Variants in PSD3 observed in about 807,000 individuals in gnomAD.
The protein encoded by PSD3 is pleckstrin and Sec7 domain containing 3.
A neutral mutation model predicts 105.5 loss-of-function variants in PSD3; 49 were observed. The observed-to-expected ratio is 0.46, with a 90% CI of 0.37 to 0.59. The LOEUF is 0.59. Ranked by LOEUF, PSD3 falls within the 20% of genes least tolerant of loss-of-function variation. The pLI is 0.00. For missense variants in PSD3, 1,561 were observed against 1,263.8 expected (o/e 1.24, Z -3.57); for synonymous variants, 557 against 457.8 (o/e 1.22, Z -2.77).
intron 4 of PSD3, among the ~76,000 whole-genome samples, chr8:18,815,927 A>G (rs576883383): frequency 7.2e-5 from 11 of 152,298 alleles, no homozygotes; most frequent in African/African-American, 2.6e-4. Flanking sequence ...GATTCACTTA[A>G]TTTTGTGTGC....
chr8:18,991,778 A>G (rs1376367983), intron 1 of PSD3, among the ~76,000 whole-genome samples: 1 of 152,234 alleles, frequency 6.6e-6, no homozygotes, highest in African/African-American at 2.4e-5. Flanking sequence ...CCCTCAATCT[A>G]GCTTCAAAAC....
chr8:18,568,455 A>T (rs1178301889), intron 14 of PSD3, among the ~76,000 whole-genome samples: 1 of 151,476 alleles, frequency 6.6e-6, no homozygotes, highest in Non-Finnish European at 1.5e-5. Context: ...CAAGGGGGGA[A>T]ATCAAGAGAC....
intron 11 of PSD3, among the ~76,000 whole-genome samples, chr8:18,626,384 TTG>T: frequency 6.6e-6 from 1 of 152,262 alleles, no homozygotes; most frequent in African/African-American, 2.4e-5. Context: ...TTTGTAATAT[TTG>T]TCATCAGAGC....
chr8:18,881,992 G>A (rs1050612276), intron 2 of PSD3, among the ~76,000 whole-genome samples: 1 of 152,132 alleles, frequency 6.6e-6, no homozygotes, highest in Non-Finnish European at 1.5e-5. Flanking sequence ...AGGTTCACTT[G>A]AGCTCAGGAG....
Position 18,651,879 on chromosome 8 carries a change from G to A in PSD3, c.2216+3763C>T, listed in dbSNP as rs866311258. Among the ~76,000 whole-genome samples the A allele has an allele frequency of 1.3e-4, 20 of 152,176 alleles. 1 individual carries two copies. In the South Asian group the frequency reaches 2.1e-3, roughly 16 times the overall value. The stretch of plus-strand genomic sequence containing the variant: ...ACAAAATCAATTATTGGCAGAACGT[G>A]AAGGGCCTAATTAAAGTTTTACAGC... On this transcript the variant is annotated intron_variant, in intron 10 of 15. Coordinates refer to ENST00000327040, the MANE Select transcript of PSD3 (RefSeq NM_015310.4).
intron 9 of PSD3, among the ~76,000 whole-genome samples, chr8:18,659,834 A>G (rs1809204181): frequency 6.6e-6 from 1 of 152,212 alleles, no homozygotes; most frequent in Non-Finnish European, 1.5e-5. Context: ...GGCATAGTCT[A>G]TGGCTCAGAA....
chr8:18,697,459 A>G (rs1160504875), intron 9 of PSD3, among the ~76,000 whole-genome samples: 1 of 152,240 alleles, frequency 6.6e-6, no homozygotes, highest in Admixed American at 6.5e-5. Flanking sequence ...TCTGCAGAAC[A>G]TTATAGAAAA....
At chr8:18,806,203 A>C (rs1422569012) in intron 4 of PSD3, among the ~76,000 whole-genome samples, 1 of 152,198 alleles carries the variant, frequency 6.6e-6, no homozygotes, top group East Asian at 1.9e-4. Flanking sequence ...GATGACTAGA[A>C]GAGTTTGGTG....
At chr8:18,939,221 G>T (rs1181528943) in intron 1 of PSD3, among the ~76,000 whole-genome samples, 1 of 152,190 alleles carries the variant, frequency 6.6e-6, no homozygotes, top group African/African-American at 2.4e-5. Context: ...CCGTGGGGAA[G>T]CAATTGCCAA....
intron 1 of PSD3, among the ~76,000 whole-genome samples, chr8:18,937,220 T>A (rs184196334): frequency 1.2e-3 from 176 of 152,274 alleles, no homozygotes; most frequent in African/African-American, 3.9e-3. Context: ...ACAAAGAAAT[T>A]TGACCTAGCA....
chr8:19,059,068 G>A (rs1828802322), intron 1 of PSD3, among the ~76,000 whole-genome samples: 1 of 152,194 alleles, frequency 6.6e-6, no homozygotes, highest in African/African-American at 2.4e-5. Context: ...GCTGTATTGA[G>A]GCTGAACGCT....
chr8:18,675,018 C>T (rs544964649), intron 9 of PSD3, among the ~76,000 whole-genome samples: 7 of 151,518 alleles, frequency 4.6e-5, no homozygotes, highest in East Asian at 3.9e-4. Flanking sequence ...AAAAAAAAAG[C>T]AACAATAAAG....
intron 1 of PSD3, among the ~76,000 whole-genome samples, chr8:19,060,762 T>C (rs927168155): frequency 2.6e-5 from 4 of 152,228 alleles, no homozygotes; most frequent in Non-Finnish European, 5.9e-5. Flanking sequence ...GGAATTCTTC[T>C]TTATGATTCC....
intron 9 of PSD3, among the ~76,000 whole-genome samples, chr8:18,745,351 C>G (rs1804921801): frequency 6.6e-6 from 1 of 152,204 alleles, no homozygotes; most frequent in Non-Finnish European, 1.5e-5. Context: ...AAAAACCTGT[C>G]CCTTCTCCAC....
intron 2 of PSD3, among the ~76,000 whole-genome samples, chr8:18,874,312 C>A (rs927415155): frequency 2.0e-5 from 3 of 151,816 alleles, no homozygotes; most frequent in African/African-American, 7.3e-5. Context: ...CAGGTGCGTG[C>A]CACCATGCCC....
At chr8:19,040,880 C>A (rs553788615) in intron 1 of PSD3, among the ~76,000 whole-genome samples, 1 of 152,128 alleles carries the variant, frequency 6.6e-6, no homozygotes, top group South Asian at 2.1e-4. Context: ...GAAGCTTGAT[C>A]CCATTTTATT....
chr8:18,610,529 T>C (rs1475082865), intron 11 of PSD3, among the ~76,000 whole-genome samples: 3 of 152,230 alleles, frequency 2.0e-5, no homozygotes, highest in African/African-American at 7.2e-5. Flanking sequence ...TCTGCTGTGA[T>C]TCTGGGGGCT....
At chr8:19,012,532 T>C (rs906653909) in intron 1 of PSD3, among the ~76,000 whole-genome samples, 1 of 152,134 alleles carries the variant, frequency 6.6e-6, no homozygotes, top group Non-Finnish European at 1.5e-5. Context: ...CCAGCATAAC[T>C]GCCAGCTCCT....
At chr8:18,874,057 G>A (rs1817566565) in intron 2 of PSD3, among the ~76,000 whole-genome samples, 1 of 152,040 alleles carries the variant, frequency 6.6e-6, no homozygotes, top group Non-Finnish European at 1.5e-5. Context: ...CTTAGTTTTG[G>A]TTACTTTGTA....
Sources: allele counts gnomAD v4.1 joint callset (sites outside exome capture counted in the v4.1 genomes callset), GRCh38; gene constraint gnomAD v4.1.1; transcripts MANE v1.5; gene names NCBI Gene and HGNC (gene_info 2026-07-23, HGNC 2026-07-21).